Variants in TIMP3 observed in about 807,000 individuals in gnomAD.
TIMP3 encodes metalloproteinase inhibitor 3.
TIMP3 carries 11 observed loss-of-function variants against 30.0 expected under a neutral mutation model. The observed-to-expected ratio is 0.37, with a 90% CI of 0.23 to 0.61. The LOEUF (loss-of-function observed/expected upper bound fraction) is 0.61. Among genes scored for constraint, TIMP3 ranks in the 20% least tolerant of loss-of-function variants. The probability of loss-of-function intolerance (pLI) is 0.70; values close to 1 mark genes in which losing one functional copy is unlikely to be tolerated. For missense variants in TIMP3, 181 were observed against 276.8 expected, an observed-to-expected ratio of 0.65 and a Z score of 2.45; for synonymous variants, 112 against 111.3, an observed-to-expected ratio of 1.01 and a Z score of -0.04.
chr22:32,829,157 T>G (rs2146114786), intron 1 of TIMP3, among the ~76,000 whole-genome samples: 1 of 152,264 alleles, frequency 6.6e-6, no homozygotes, highest in Non-Finnish European at 1.5e-5. Flanking sequence ...TCGGCACTTC[T>G]TAGCAGCTCC....
intron 2 of TIMP3, 21 bp from the exon 3 acceptor site, chr22:32,857,228 T>A: frequency 6.3e-7 from 1 of 1,583,154 alleles, no homozygotes; most frequent in Non-Finnish European, 8.7e-7. Flanking sequence ...GAAGAAGTCA[T>A]GATGTTCCTT....
chr22:32,818,349 CTTAG>C (rs902810559), intron 1 of TIMP3, among the ~76,000 whole-genome samples: 5 of 152,150 alleles, frequency 3.3e-5, no homozygotes, highest in Admixed American at 1.3e-4. Context: ...ATGGGGGAGT[CTTAG>C]TTAGCCCAGG....
chr22:32,831,229 G>A (rs946915224), intron 1 of TIMP3, among the ~76,000 whole-genome samples: 3 of 152,130 alleles, frequency 2.0e-5, no homozygotes, highest in African/African-American at 7.2e-5. Context: ...ACCTTTTTCT[G>A]AGACTCTCAA....
chr22:32,827,827 C>G (rs1303714152), intron 1 of TIMP3, among the ~76,000 whole-genome samples: 1 of 152,186 alleles, frequency 6.6e-6, no homozygotes, highest in Admixed American at 6.5e-5. Flanking sequence ...AAGTTTGTCA[C>G]TGTCTCTTTT....
intron 2 of TIMP3, among the ~76,000 whole-genome samples, chr22:32,850,097 G>T (rs2048177286): frequency 6.7e-6 from 1 of 149,380 alleles, no homozygotes; most frequent in South Asian, 2.2e-4. Context: ...TTGTCTTCTT[G>T]CATCCTAGAT....
At chr22:32,844,742 C>A (rs971060748) in intron 1 of TIMP3, among the ~76,000 whole-genome samples, 2 of 150,538 alleles carry the variant, frequency 1.3e-5, no homozygotes, top group African/African-American at 4.9e-5. Flanking sequence ...CAGAGTCTTG[C>A]TCTGTCACCC....
intron 1 of TIMP3, among the ~76,000 whole-genome samples, chr22:32,840,274 T>C (rs2047855890): frequency 6.6e-6 from 1 of 152,198 alleles, no homozygotes; most frequent in African/African-American, 2.4e-5. Flanking sequence ...ATATTTTTAC[T>C]TAACGGAAAG....
chr22:32,843,663 G>A (rs2047979380), intron 1 of TIMP3, among the ~76,000 whole-genome samples: 1 of 152,144 alleles, frequency 6.6e-6, no homozygotes, highest in African/African-American at 2.4e-5. Flanking sequence ...AACACTTCCA[G>A]ATCCCTCTTT....
chr22:32,851,429 G>A (rs758435197), intron 2 of TIMP3, among the ~76,000 whole-genome samples: 2 of 152,010 alleles, frequency 1.3e-5, no homozygotes, highest in Non-Finnish European at 2.9e-5. Context: ...GACCAGCCAC[G>A]GGTGGTTGTT....
At chr22:32,849,587 A>G (rs1458876494) in intron 2 of TIMP3, 53 bp downstream of exon 2, 1 of 1,547,038 alleles carries the variant, frequency 6.5e-7, no homozygotes, top group African/African-American at 1.4e-5. Flanking sequence ...TTTTGCCAGA[A>G]GAGTCCTGGC....
intron 2 of TIMP3, among the ~76,000 whole-genome samples, chr22:32,851,765 A>T (rs2048224390): frequency 6.6e-6 from 1 of 152,140 alleles, no homozygotes; most frequent in Non-Finnish European, 1.5e-5. Flanking sequence ...CATCTTAATC[A>T]TCAGTCACCA....
At chr22:32,856,043 A>G (rs1373192255) in intron 2 of TIMP3, among the ~76,000 whole-genome samples, 1 of 152,226 alleles carries the variant, frequency 6.6e-6, no homozygotes, top group Non-Finnish European at 1.5e-5. Flanking sequence ...AACGTTCACC[A>G]GCCAAATAGA....
chr22:32,858,326 C>T (rs536434577), intron 4 of TIMP3, among the ~76,000 whole-genome samples, 188 bp downstream of exon 4: 1 of 152,292 alleles, frequency 6.6e-6, no homozygotes, highest in South Asian at 2.1e-4. Flanking sequence ...GTGAGGAAGG[C>T]AGGGAAGGAA....
chr22:32,841,686 G>T (rs2047907536), intron 1 of TIMP3, among the ~76,000 whole-genome samples: 1 of 58 alleles, frequency 0.017, no homozygotes, highest in Non-Finnish European at 0.033. Context: ...GCCTGTTGGT[G>T]GGTGGGGTAG....
intron 1 of TIMP3, among the ~76,000 whole-genome samples, chr22:32,823,403 T>C (rs2047310950): frequency 6.6e-6 from 1 of 152,104 alleles, no homozygotes; most frequent in African/African-American, 2.4e-5. Context: ...CTCTCTTAAA[T>C]AGATGAGCTA....
intron 3 of TIMP3, 103 bp downstream of exon 3, chr22:32,857,463 T>A: frequency 1.1e-6 from 1 of 888,464 alleles, no homozygotes; most frequent in Non-Finnish European, 1.9e-6. Flanking sequence ...AAATGTCCAG[T>A]AAATTGTAAG....
rs557034129 is a variant in TIMP3 at position 32,837,914 on chromosome 22, G to A, written c.122-11538G>A. On this transcript the variant is annotated intron_variant, in intron 1 of 4. Transcript: ENST00000266085. This position sits in a 1 kb window ranked among gnomAD's most constrained non-coding sequence, Gnocchi z 4.1. ...CAATGGGCTGGACTCTCCAGCCTCC[G>A]GGCCTCTGCCCAACCATGACCAGAA... 5.9e-5 allele frequency among the ~76,000 whole-genome samples: 9 copies of A among 152,204 alleles called. No individual in the cohort carries two copies. The highest frequency in any genetic ancestry group is 3.9e-4 in the East Asian group (2 of 5,168).
At chr22:32,818,293 G>A (rs934512269) in intron 1 of TIMP3, among the ~76,000 whole-genome samples, 2 of 152,136 alleles carry the variant, frequency 1.3e-5, no homozygotes, top group African/African-American at 4.8e-5. Context: ...AAGCAAGGAC[G>A]GGCACATCCA....
chr22:32,822,908 AAACAAC>A (rs201183941), intron 1 of TIMP3, among the ~76,000 whole-genome samples: 1 of 149,954 alleles, frequency 6.7e-6, no homozygotes. Flanking sequence ...AATTTGTTAA[AAACAAC>A]AACAACAACA....
Sources: allele counts gnomAD v4.1 joint callset (sites outside exome capture counted in the v4.1 genomes callset), GRCh38; gene constraint gnomAD v4.1.1; non-coding constraint Gnocchi (gnomAD v3.1); transcripts MANE v1.5; gene names NCBI Gene and HGNC (gene_info 2026-07-23, HGNC 2026-07-21).